Variants in EDIL3 observed in about 807,000 individuals in gnomAD.
EDIL3 encodes EGF-like repeat and discoidin I-like domain-containing protein 3.
Under a neutral mutation model 67.4 loss-of-function variants are expected in EDIL3, and 37 were observed. The ratio of observed to expected loss-of-function variants is 0.55; its 90% CI spans 0.42 to 0.72. The LOEUF is 0.72. Ranked by LOEUF, EDIL3 falls within the 30% of genes least tolerant of loss-of-function variation. The pLI is 0.00. For missense variants in EDIL3, 527 were observed against 586.3 expected, an observed-to-expected ratio of 0.90 and a Z score of 1.04; for synonymous variants, 195 against 196.3, an observed-to-expected ratio of 0.99 and a Z score of 0.05.
At chr5:84,057,670 A>C (rs1184786842) in intron 9 of EDIL3, among the ~76,000 whole-genome samples, 1 of 152,166 alleles carries the variant, frequency 6.6e-6, no homozygotes, top group Non-Finnish European at 1.5e-5. Context: ...TTTTAAATGT[A>C]TCTTTTAAAT....
At chr5:84,175,496 T>G (rs1748887075) in intron 4 of EDIL3, among the ~76,000 whole-genome samples, 1 of 152,228 alleles carries the variant, frequency 6.6e-6, no homozygotes, top group African/African-American at 2.4e-5. Flanking sequence ...TCATCTGATC[T>G]TAACACACAT....
Position 84,109,438 on chromosome 5 carries a change from G to A in EDIL3, c.470-2608C>T, listed in dbSNP as rs1004424483. Among the ~76,000 whole-genome samples, 9 of 152,116 alleles carry A rather than the reference G, an allele frequency of 5.9e-5. No individual in the cohort carries two copies. The East Asian group carries it at 1.2e-3, about 20-fold the overall frequency. ...GGAGAATCACTTGAAGCCAGGAGGC[G>A]GAGGTTGCAGTGAGCTGAGATCACA... is the stretch of plus-strand genomic sequence containing the variant. On this transcript the variant is annotated intron_variant, in intron 5 of 10. Transcript: ENST00000296591.
intron 10 of EDIL3, among the ~76,000 whole-genome samples, chr5:83,959,464 C>T (rs1250802219): frequency 6.6e-6 from 1 of 150,952 alleles, no homozygotes; most frequent in East Asian, 2.0e-4. Flanking sequence ...TAAAAACAAA[C>T]AGCACAAAAG....
intron 2 of EDIL3, among the ~76,000 whole-genome samples, chr5:84,252,504 A>AAAAAAAAAAAAAAAAAAAAAAAAAAAAAC: frequency 6.8e-6 from 1 of 148,116 alleles, no homozygotes. Context: ...AAAAAAAAAA[A>AAAAAAAAAAAAAAAAAAAAAAAAAAAAAC]AAAAAAAAAA....
chr5:84,002,996 G>C (rs1167624155), intron 9 of EDIL3, among the ~76,000 whole-genome samples: 1 of 152,142 alleles, frequency 6.6e-6, no homozygotes, highest in African/African-American at 2.4e-5. Context: ...CTCTGGGGTG[G>C]AGTTCCTGGA....
At chr5:84,055,110 G>A (rs559723546) in intron 9 of EDIL3, among the ~76,000 whole-genome samples, 1 of 146,094 alleles carries the variant, frequency 6.8e-6, no homozygotes, top group South Asian at 2.2e-4. Flanking sequence ...CCAAAACAGA[G>A]ATACCGACCA....
At chr5:83,981,674 T>A (rs1304911753) in intron 9 of EDIL3, among the ~76,000 whole-genome samples, 2 of 152,186 alleles carry the variant, frequency 1.3e-5, no homozygotes, top group African/African-American at 2.4e-5. Context: ...TTTTAAACAA[T>A]TCTGCTACCC....
intron 5 of EDIL3, among the ~76,000 whole-genome samples, chr5:84,114,954 G>A (rs925035585): frequency 3.8e-4 from 58 of 152,284 alleles, no homozygotes; most frequent in African/African-American, 1.3e-3. Flanking sequence ...AGGTAGAGAC[G>A]ATGCCTTTTG....
In EDIL3 at chr5:83,940,746, G is replaced by C. The variant is rs1041763504; in HGVS notation, c.*2673C>G. ...GTTTGCAAAGGTTATTTGTGTCTTA[G>C]TTATTTCTGCACTTAATGACACATC... is the stretch of plus-strand genomic sequence containing the variant. On this transcript the variant is annotated 3_prime_UTR_variant, in exon 11 of 11. Coordinates refer to ENST00000296591, the MANE Select transcript of EDIL3 (RefSeq NM_005711.5). 6.6e-5 allele frequency: 10 copies of C among 151,926 alleles called. No homozygotes were observed. The highest frequency in any genetic ancestry group is 1.5e-4 in the Non-Finnish European group (10 of 67,872). The allele number at this position is 151,926 out of a possible 1,614,324, so 9.4% of individuals were successfully genotyped here. A position where few individuals can be genotyped will look rare whatever the true frequency, so the allele number is the denominator to read the frequency against.
chr5:84,156,510 T>G (rs2112335161), intron 4 of EDIL3, among the ~76,000 whole-genome samples: 1 of 152,330 alleles, frequency 6.6e-6, no homozygotes, highest in South Asian at 2.1e-4. Flanking sequence ...TTTAGTCTAT[T>G]ACAAACTTAT....
chr5:84,252,468 T>C (rs550660165), intron 2 of EDIL3, among the ~76,000 whole-genome samples: 32 of 87,786 alleles, frequency 3.6e-4, no homozygotes, highest in Middle Eastern at 0.01. Context: ...CACCCCAGCC[T>C]GTGCGACAAA....
At chr5:84,348,253 G>A (rs1747273493) in intron 1 of EDIL3, among the ~76,000 whole-genome samples, 1 of 152,088 alleles carries the variant, frequency 6.6e-6, no homozygotes, top group East Asian at 1.9e-4. Flanking sequence ...CATTGCTTGA[G>A]GGCTGATCCA....
chr5:84,383,448 C>T (rs1014303162), intron 1 of EDIL3, among the ~76,000 whole-genome samples: 3 of 152,224 alleles, frequency 2.0e-5, no homozygotes, highest in African/African-American at 4.8e-5. Flanking sequence ...CTTTTAAATG[C>T]TTTTTTCTTT....
chr5:84,382,460 C>T (rs1748100389), intron 1 of EDIL3, among the ~76,000 whole-genome samples: 1 of 152,154 alleles, frequency 6.6e-6, no homozygotes, highest in Non-Finnish European at 1.5e-5. Flanking sequence ...GACGCACTAT[C>T]TTCTCCTCTA....
intron 6 of EDIL3, among the ~76,000 whole-genome samples, chr5:84,075,247 C>A (rs1479387658): frequency 1.3e-5 from 2 of 151,598 alleles, no homozygotes; most frequent in Non-Finnish European, 2.9e-5. Context: ...ATACCTAATG[C>A]TAAATGACGA....
intron 2 of EDIL3, among the ~76,000 whole-genome samples, chr5:84,243,254 C>T (rs1252014950): frequency 1.3e-5 from 2 of 152,186 alleles, no homozygotes; most frequent in African/African-American, 4.8e-5. Context: ...CAGCAGGGCT[C>T]ATTGAGAAGT....
intron 4 of EDIL3, among the ~76,000 whole-genome samples, chr5:84,162,269 G>A (rs553023262): frequency 6.6e-6 from 1 of 152,120 alleles, no homozygotes; most frequent in Non-Finnish European, 1.5e-5. Context: ...TCCATAGAGA[G>A]GAGTGGTTCC....
intron 1 of EDIL3, among the ~76,000 whole-genome samples, chr5:84,279,929 G>A (rs973899483): frequency 3.3e-5 from 5 of 152,062 alleles, no homozygotes; most frequent in Non-Finnish European, 7.4e-5. Flanking sequence ...TCTCTTTGCC[G>A]CTATTTAATG....
chr5:84,191,285 G>A (rs77454004), intron 3 of EDIL3, among the ~76,000 whole-genome samples: 1,822 of 152,124 alleles, frequency 0.012, 43 homozygotes, highest in African/African-American at 0.042. Flanking sequence ...GGCAGGAGGT[G>A]GAGGAAAGGA....
Sources: allele counts gnomAD v4.1 joint callset (sites outside exome capture counted in the v4.1 genomes callset), GRCh38; gene constraint gnomAD v4.1.1; transcripts MANE v1.5; gene names NCBI Gene and HGNC (gene_info 2026-07-23, HGNC 2026-07-21).